The following ANO3 variants were observed in gnomAD, a reference collection of about 807,000 sequenced individuals.
ANO3 encodes the protein anoctamin 3.
In ANO3, 99 loss-of-function variants were observed where a neutral mutation model predicts 144.8. The ratio of observed to expected loss-of-function variants is 0.68; its 90% CI spans 0.58 to 0.81. The LOEUF is 0.81. Ranked by LOEUF, ANO3 falls within the 30% of genes least tolerant of loss-of-function variation. ANO3 has a pLI of 0.00. For synonymous variants in ANO3, 414 were observed against 392.6 expected, an observed-to-expected ratio of 1.05 and a Z score of -0.64; for missense variants, 905 against 1,202.2, an observed-to-expected ratio of 0.75 and a Z score of 3.66.
intron 4 of ANO3, among the ~76,000 whole-genome samples, chr11:26,502,018 T>C (rs1267530611): frequency 6.6e-6 from 1 of 152,172 alleles, no homozygotes; most frequent in Non-Finnish European, 1.5e-5. Context: ...TTGTGTTTTG[T>C]AGTGAATTAT....
In ANO3 at chr11:26,660,321, T is replaced by C; in HGVS notation, c.2823T>C (p.Gly941=). The C allele has an allele frequency of 6.2e-7, 1 of 1,613,574 alleles. No individual in the cohort carries two copies. The highest frequency in any genetic ancestry group is 8.5e-7 in the Non-Finnish European group (1 of 1,179,708). Residue 941 remains glycine (G), a synonymous_variant, in exon 27 of 27, where the codon GGT becomes GGC. Coordinates refer to ENST00000256737, the MANE Select transcript of ANO3 (RefSeq NM_031418.4). ...IAYLIPDVPK[G]LHDRIRREKY... ...ACCTGATTCCAGACGTACCAAAGGG[T>C]CTACATGACCGAATACGACGAGAGA...
intron 1 of ANO3, among the ~76,000 whole-genome samples, chr11:26,407,072 G>GTATATATATATATA (rs1453977441): frequency 8.7e-4 from 88 of 101,444 alleles, no homozygotes; most frequent in Non-Finnish European, 1.2e-3. Context: ...GTGTGTGTGT[G>GTATATATATATATA]TGTGTATATA....
intron 1 of ANO3, among the ~76,000 whole-genome samples, chr11:26,240,859 A>C (rs1316376343): frequency 1.3e-5 from 2 of 152,130 alleles, no homozygotes; most frequent in Non-Finnish European, 2.9e-5. Flanking sequence ...AATATTTTTA[A>C]ATTTCTATAA....
At chr11:26,565,357 C>T in intron 14 of ANO3, 1 of 1,612,638 alleles carries the variant, frequency 6.2e-7, no homozygotes, top group Non-Finnish European at 8.5e-7. Flanking sequence ...AGGATGCTAA[C>T]TGTAATGGAA....
At chr11:26,342,820 T>C (rs1382560049) in intron 1 of ANO3, among the ~76,000 whole-genome samples, 2 of 151,874 alleles carry the variant, frequency 1.3e-5, no homozygotes, top group Non-Finnish European at 2.9e-5. Context: ...CTTTTATCAC[T>C]TTATTTTTTT....
rs1456203562 is a variant in ANO3, at chr11:26,547,451, C to G, written c.1190C>G (p.Ala397Gly). Residue 397 changes from alanine to glycine, a missense_variant, in exon 12 of 27, where the codon GCT (alanine) becomes GGT (glycine). Physicochemically the swap from Ala to Gly is moderately conservative, Grantham distance 60 (BLOSUM62 0). Transcript: ENST00000256737. The stretch of plus-strand genomic sequence containing the variant: ...GGTGAGAAGATTGGACTATACTTTG[C>G]TTGGCTGGGATGGTATACTGGAATG... ...YFGEKIGLYFAWLGWYTGMLI... is the reference protein window; with the variant it reads ...YFGEKIGLYFGWLGWYTGMLI... 2 of 1,611,868 alleles carry G rather than the reference C, an allele frequency of 1.2e-6. No homozygotes were observed. The highest frequency in any genetic ancestry group is 2.7e-5 in the African/African-American group (2 of 74,748).
At chr11:26,581,481 G>T (rs1214282430) in intron 14 of ANO3, among the ~76,000 whole-genome samples, 1 of 151,916 alleles carries the variant, frequency 6.6e-6, no homozygotes, top group Non-Finnish European at 1.5e-5. Context: ...CTGAGGTCAG[G>T]AGTTCGAGAC....
intron 1 of ANO3, among the ~76,000 whole-genome samples, chr11:26,224,110 C>T (rs1164910114): frequency 6.6e-6 from 1 of 152,192 alleles, no homozygotes; most frequent in Non-Finnish European, 1.5e-5. Context: ...GTCCTCCTGA[C>T]TCATGCCCTC....
At chr11:26,516,618 G>A (rs1861874728) in intron 5 of ANO3, among the ~76,000 whole-genome samples, 1 of 151,880 alleles carries the variant, frequency 6.6e-6, no homozygotes, top group African/African-American at 2.4e-5. Context: ...CACATAGGTG[G>A]TTATTTCTTC....
At chr11:26,284,800 G>A (rs368561923) in intron 1 of ANO3, among the ~76,000 whole-genome samples, 10 of 152,222 alleles carry the variant, frequency 6.6e-5, no homozygotes, top group African/African-American at 1.4e-4. Flanking sequence ...CAGCTACTCC[G>A]GAGGCTGAGG....
intron 8 of ANO3, among the ~76,000 whole-genome samples, chr11:26,532,824 T>C (rs1438571029): frequency 6.6e-6 from 1 of 152,178 alleles, no homozygotes; most frequent in Non-Finnish European, 1.5e-5. Context: ...GTCCCAGTCA[T>C]TTTCTATCCC....
intron 23 of ANO3, among the ~76,000 whole-genome samples, chr11:26,644,815 TCACACACACACACACA>T (rs71449132): frequency 6.9e-6 from 1 of 145,200 alleles, no homozygotes; most frequent in South Asian, 2.2e-4. Context: ...GGAATACTAA[TCACACACACACACACA>T]CACACACACA....
chr11:26,205,813 A>G (rs1167171162), intron 1 of ANO3, among the ~76,000 whole-genome samples: 16 of 152,190 alleles, frequency 1.1e-4, no homozygotes, highest in Non-Finnish European at 2.9e-5. Context: ...TCCCGAGCTA[A>G]AGCTTAAGTT....
intron 17 of ANO3, among the ~76,000 whole-genome samples, chr11:26,622,517 G>C (rs1358196675): frequency 6.6e-6 from 1 of 152,054 alleles, no homozygotes; most frequent in African/African-American, 2.4e-5. Flanking sequence ...GAGGTGGGAG[G>C]ATTACCTGAG....
chr11:26,438,183 C>T (rs1457253040), intron 1 of ANO3, among the ~76,000 whole-genome samples: 4 of 152,068 alleles, frequency 2.6e-5, no homozygotes, highest in Non-Finnish European at 5.9e-5. Flanking sequence ...GAAAGAAACT[C>T]GCATTTACAA....
intron 4 of ANO3, among the ~76,000 whole-genome samples, chr11:26,504,973 C>G (rs2134131045): frequency 7.3e-6 from 1 of 137,284 alleles, no homozygotes; most frequent in Middle Eastern, 3.8e-3. Context: ...GATCACGCCA[C>G]TGCACTCCAG....
Position 26,378,439 on chromosome 11 carries a change from T to TATCTATC in ANO3, c.46+46119_46+46125dup, listed in dbSNP as rs1554946647. Reference sequence around the variant, plus strand: ...ATTATTTATCTATCTATCTATCATCTATCTATCTATCTATATAGACTAGTT... The same window carrying TATCTATC: ...ATTATTTATCTATCTATCTATCATCTATCTATCATCTATCTATCTATATAGACTAGTT... On this transcript the variant is annotated intron_variant, in intron 1 of 26. Coordinates refer to ENST00000256737, the MANE Select transcript of ANO3 (RefSeq NM_031418.4). Among the ~76,000 whole-genome samples the TATCTATC allele has an allele frequency of 2.2e-3, 317 of 144,816 alleles. 1 individual carries two copies. The highest frequency in any genetic ancestry group is 1.2e-3 in the Non-Finnish European group (81 of 66,352).
At chr11:26,540,751 A>G (rs1015613693) in intron 10 of ANO3, among the ~76,000 whole-genome samples, 9 of 152,236 alleles carry the variant, frequency 5.9e-5, no homozygotes, top group African/African-American at 1.4e-4. Context: ...ATGAGATACC[A>G]TCTTATGCTA....
At chr11:26,234,716 G>T (rs564069476) in intron 1 of ANO3, among the ~76,000 whole-genome samples, 8 of 152,166 alleles carry the variant, frequency 5.3e-5, no homozygotes, top group African/African-American at 1.9e-4. Flanking sequence ...GAAGTAAATA[G>T]CCCACATTAT....
Sources: gnomAD v4.1 joint callset for allele counts (sites outside exome capture counted in the v4.1 genomes callset) on GRCh38, gnomAD v4.1.1 for gene constraint, MANE v1.5 for transcripts, NCBI Gene and HGNC (gene_info 2026-07-23, HGNC 2026-07-21) for gene names.